The following PM20D2 variants were observed in gnomAD, a reference collection of about 807,000 sequenced individuals.
PM20D2 encodes xaa-Arg dipeptidase.
A neutral mutation model predicts 42.9 loss-of-function variants in PM20D2; 33 were observed. That is an observed-to-expected ratio of 0.77 (90% CI 0.58 to 1.03). The LOEUF (loss-of-function observed/expected upper bound fraction) is 1.03. PM20D2 is among the 50% of genes least tolerant of loss of function. The pLI is 0.00. For missense variants in PM20D2, 548 were observed against 557.0 expected (o/e 0.98, Z 0.16); for synonymous variants, 250 against 228.2 (o/e 1.10, Z -0.86).
the PM20D2 span, among the ~76,000 whole-genome samples, chr6:89,119,489 T>C: frequency 6.6e-6 from 1 of 151,754 alleles, no homozygotes. Context: ...TGGAGAAGAG[T>C]TGGAAAATGA....
In PM20D2 at chr6:89,153,083, T is replaced by G. The variant is rs1582341902; in HGVS notation, c.655T>G (p.Ser219Ala). Residue 219 changes from serine to alanine, a missense_variant, in exon 3 of 7, where the codon TCT (serine) becomes GCT (alanine). Around this residue, in one of 3 missense-constraint regions of PM20D2, gnomAD observed 470 missense variants for 464.4 expected, o/e 1.01. Coordinates refer to ENST00000275072, the MANE Select transcript of PM20D2 (RefSeq NM_001010853.3). ...KYYGKASHSA[S>A]YPWEGLNALD... ...CTATGGAAAAGCATCTCATTCTGCT[T>G]CTTATCCCTGGGAAGGATTAAATGC... The G allele has an allele frequency of 6.2e-7, 1 of 1,608,604 alleles. No homozygotes were observed. Among genetic ancestry groups the G allele is most frequent in the Non-Finnish European group, 8.5e-7 (1 of 1,176,018 alleles).
At position 89,146,063 on chromosome 6, in the gene PM20D2, C is replaced by T. The variant is rs1582327459; in HGVS notation, c.-82C>T. 2 of 1,263,606 alleles carry T rather than the reference C, an allele frequency of 1.6e-6. No individual in the cohort carries two copies. Among genetic ancestry groups the T allele is most frequent in the African/African-American group, 1.6e-5 (1 of 63,358 alleles). The allele number at this position is 1,263,606 out of a possible 1,614,324, so 78.3% of individuals were successfully genotyped here. A position where few individuals can be genotyped will look rare whatever the true frequency, so the allele number is the denominator to read the frequency against. On this transcript the variant is annotated 5_prime_UTR_variant, in exon 1 of 7. Transcript: ENST00000275072. ...CGCGCTCCGCCGGGGTCCTGGAGGC[C>T]TCTGGGCGCGTGCGCGGGCGGTCGC...
chr6:89,126,095 AAAAGT>A, the PM20D2 span, among the ~76,000 whole-genome samples: 4 of 152,072 alleles, frequency 2.6e-5, no homozygotes, highest in Admixed American at 6.5e-5. Context: ...CAAAAAAAAA[AAAAGT>A]AAAGTATTTC....
At chr6:89,126,668 T>TA in the PM20D2 span, among the ~76,000 whole-genome samples, 6,127 of 104,630 alleles carry the variant, frequency 0.059, 477 homozygotes, top group African/African-American at 0.16. Flanking sequence ...AGACTCCATC[T>TA]AAAAAAAAAA....
At chr6:89,113,416 C>T in the PM20D2 span, among the ~76,000 whole-genome samples, 12 of 152,156 alleles carry the variant, frequency 7.9e-5, no homozygotes, top group African/African-American at 2.7e-4. Context: ...TCGTGATCCG[C>T]CCACTTTGGC....
chr6:89,111,893 T>C, the PM20D2 span, among the ~76,000 whole-genome samples: 1 of 152,162 alleles, frequency 6.6e-6, no homozygotes, highest in South Asian at 2.1e-4. Context: ...TGGAGTTCCA[T>C]TAATACACTA....
At chr6:89,161,090 T>A (rs988750359) in intron 5 of PM20D2, among the ~76,000 whole-genome samples, 2 of 152,078 alleles carry the variant, frequency 1.3e-5, no homozygotes, top group Non-Finnish European at 2.9e-5. Context: ...CAGGTGTTGG[T>A]GATGGTGATG....
chr6:89,111,863 TCTCA>T, the PM20D2 span, among the ~76,000 whole-genome samples: 1 of 152,122 alleles, frequency 6.6e-6, no homozygotes, highest in Non-Finnish European at 1.5e-5. Flanking sequence ...GGGTCTCAGG[TCTCA>T]CTCTGTCACC....
chr6:89,145,998 G>T, upstream of PM20D2: 1 of 631,166 alleles, frequency 1.6e-6, no homozygotes, highest in Non-Finnish European at 2.3e-6. Context: ...GGGCGGCCCC[G>T]GGACTGGGGG....
chr6:89,156,061 TC>T (rs1230157993), intron 4 of PM20D2, among the ~76,000 whole-genome samples: 1 of 152,000 alleles, frequency 6.6e-6, no homozygotes, highest in Non-Finnish European at 1.5e-5. Flanking sequence ...TTTTTTTGTA[TC>T]TTTAGTAGAG....
the PM20D2 span, among the ~76,000 whole-genome samples, chr6:89,115,821 G>C: frequency 1.3e-5 from 2 of 151,104 alleles, no homozygotes; most frequent in Non-Finnish European, 2.9e-5. Flanking sequence ...ATTTTTAGTA[G>C]AGACGGGGTT....
chr6:89,154,561 AT>A (rs956404457), intron 3 of PM20D2, among the ~76,000 whole-genome samples, 186 bp from the exon 4 acceptor site: 2 of 152,240 alleles, frequency 1.3e-5, no homozygotes, highest in Admixed American at 6.5e-5. Context: ...CAGCCAAAAA[AT>A]ATCACCCTAT....
chr6:89,098,985 C>A, the PM20D2 span: 1 of 1,553,324 alleles, frequency 6.4e-7, no homozygotes, highest in African/African-American at 1.4e-5. Context: ...ATATTTCACA[C>A]AAAATAAGAG....
At chr6:89,120,405 T>C in the PM20D2 span, among the ~76,000 whole-genome samples, 1 of 152,156 alleles carries the variant, frequency 6.6e-6, no homozygotes, top group East Asian at 1.9e-4. Flanking sequence ...TGGACATGTA[T>C]TTTTGGGGGC....
chr6:89,164,245 A>C lies in PM20D2; in HGVS notation c.*1982A>C, dbSNP rs1440107113. The stretch of plus-strand genomic sequence containing the variant: ...GTGTTTTGATTTCCCACAATTTCCC[A>C]AAGGAATGTTTATTTATTAAGAGTT... On this transcript the variant is annotated 3_prime_UTR_variant, in exon 7 of 7. Transcript: ENST00000275072. 3.3e-5 allele frequency: 5 copies of C among 152,242 alleles called. No individual in the cohort carries two copies. Among genetic ancestry groups the C allele is most frequent in the African/African-American group, 1.2e-4 (5 of 41,464 alleles). The allele number at this position is 152,242 out of a possible 1,614,324, so 9.4% of individuals were successfully genotyped here. A position where few individuals can be genotyped will look rare whatever the true frequency, so the allele number is the denominator to read the frequency against.
chr6:89,156,414 AATTT>A (rs1771050915), intron 4 of PM20D2, among the ~76,000 whole-genome samples: 1 of 152,148 alleles, frequency 6.6e-6, no homozygotes, highest in African/African-American at 2.4e-5. Context: ...AGATAATAAC[AATTT>A]ATCTTAGGAT....
chr6:89,154,900 A>G lies in PM20D2; in HGVS notation c.910A>G (p.Thr304Ala), dbSNP rs773368610. Residue 304 changes from threonine (T) to alanine (A), a missense_variant and splice_region_variant, in exon 4 of 7, where the codon ACA (threonine) becomes GCA (alanine). Thr to Ala is a moderately conservative substitution (Grantham distance 58). Around this residue, in one of 3 missense-constraint regions of PM20D2, gnomAD observed 470 missense variants for 464.4 expected, o/e 1.01. Transcript: ENST00000275072. ...FRAAALASGC[T>A]VEIKGGAHDY... The stretch of plus-strand genomic sequence containing the variant: ...AGCTGCAGCTTTGGCTTCAGGGTGC[A>G]CAGTAAGAACTTTTAAAAGTTAATC... 1 of 1,579,682 alleles carries G rather than the reference A, an allele frequency of 6.3e-7. No individual in the cohort carries two copies. The highest frequency in any genetic ancestry group is 8.6e-7 in the Non-Finnish European group (1 of 1,167,378).
At chr6:89,141,725 T>C (rs1325192908), upstream of PM20D2, among the ~76,000 whole-genome samples, 3 of 152,188 alleles carry the variant, frequency 2.0e-5, no homozygotes, top group Non-Finnish European at 4.4e-5. Flanking sequence ...TTCCAAATAG[T>C]CATCAATTAT....
At chr6:89,159,977 T>C (rs1370211952) in intron 5 of PM20D2, among the ~76,000 whole-genome samples, 1 of 152,228 alleles carries the variant, frequency 6.6e-6, no homozygotes, top group Non-Finnish European at 1.5e-5. Flanking sequence ...TAGGATAAAG[T>C]GGCTGTGATT....
Sources: gnomAD v4.1 joint callset for allele counts (sites outside exome capture counted in the v4.1 genomes callset) on GRCh38, gnomAD v4.1.1 for gene constraint, gnomAD v4.1.1 regional missense constraint, MANE v1.5 for transcripts, NCBI Gene and HGNC (gene_info 2026-07-23, HGNC 2026-07-21) for gene names.